The following CNNM1 variants were observed in gnomAD, a reference collection of about 807,000 sequenced individuals.
The protein encoded by CNNM1 is cyclin and CBS domain divalent metal cation transport mediator 1.
A neutral mutation model predicts 78.8 loss-of-function variants in CNNM1; 44 were observed. The observed-to-expected ratio is 0.56, with a 90% CI of 0.44 to 0.72. The LOEUF is 0.72. CNNM1 is among the 30% of genes least tolerant of loss of function. The probability of loss-of-function intolerance (pLI) is 0.00; values close to 1 mark genes in which losing one functional copy is unlikely to be tolerated. For synonymous variants in CNNM1, 584 were observed against 581.5 expected, an observed-to-expected ratio of 1.00 and a Z score of -0.06; for missense variants, 1,101 against 1,292.2, an observed-to-expected ratio of 0.85 and a Z score of 2.27.
intron 6 of CNNM1, among the ~76,000 whole-genome samples, chr10:99,365,870 C>T (rs2031600066): frequency 1.3e-5 from 2 of 152,054 alleles, no homozygotes; most frequent in Admixed American, 1.3e-4. Flanking sequence ...TATCATAGTC[C>T]CTGGAACATG....
At chr10:99,364,917 A>T (rs773652348) in intron 5 of CNNM1, 38 bp from the exon 6 acceptor site, 2 of 1,598,204 alleles carry the variant, frequency 1.3e-6, no homozygotes, top group African/African-American at 2.7e-5. Flanking sequence ...GTGTTTTCTG[A>T]GTTGCCTCTG....
intron 1 of CNNM1, among the ~76,000 whole-genome samples, chr10:99,348,868 A>G (rs1347293715): frequency 6.6e-6 from 1 of 151,594 alleles, no homozygotes; most frequent in Admixed American, 6.6e-5. Context: ...CCTGGGCAAC[A>G]TTGCAAAGCC....
At chr10:99,364,907 G>T (rs748409165) in intron 5 of CNNM1, 48 bp from the exon 6 acceptor site, 2 of 1,576,898 alleles carry the variant, frequency 1.3e-6, no homozygotes, top group African/African-American at 2.7e-5. Flanking sequence ...CATAAGAAGT[G>T]TGTTTTCTGA....
At chr10:99,345,299 T>C (rs1035998276) in intron 1 of CNNM1, among the ~76,000 whole-genome samples, 5 of 152,166 alleles carry the variant, frequency 3.3e-5, no homozygotes, top group Admixed American at 3.3e-4. Flanking sequence ...ACATCAAAAA[T>C]GATATGGAGA....
At chr10:99,386,187 T>C (rs2032296740) in intron 7 of CNNM1, among the ~76,000 whole-genome samples, 1 of 152,212 alleles carries the variant, frequency 6.6e-6, no homozygotes, top group Non-Finnish European at 1.5e-5. Flanking sequence ...ACTTTGCTGC[T>C]TTGTCCTGTA....
chr10:99,389,215 A>G (rs1359549009), intron 9 of CNNM1, among the ~76,000 whole-genome samples: 1 of 152,104 alleles, frequency 6.6e-6, no homozygotes, highest in Non-Finnish European at 1.5e-5. Context: ...TAGGGGTTCG[A>G]GACCAGTCTG....
chr10:99,390,244 C>G (rs562528752), intron 9 of CNNM1, 62 bp from the exon 10 acceptor site: 4 of 1,182,166 alleles, frequency 3.4e-6, no homozygotes, highest in Non-Finnish European at 4.9e-6. Flanking sequence ...TCAGAATCAC[C>G]CTCTCTTGAT....
At chr10:99,386,871 G>GT (rs1364995805) in intron 7 of CNNM1, among the ~76,000 whole-genome samples, 3 of 152,206 alleles carry the variant, frequency 2.0e-5, no homozygotes, top group Non-Finnish European at 2.9e-5. Flanking sequence ...AGAATTTGTG[G>GT]TTTTGTCCGT....
intron 9 of CNNM1, among the ~76,000 whole-genome samples, chr10:99,390,079 C>T (rs1265636739): frequency 6.6e-6 from 1 of 152,146 alleles, no homozygotes; most frequent in Non-Finnish European, 1.5e-5. Flanking sequence ...CGTTGGATTC[C>T]GGCTCCTGTT....
At position 99,345,869 on chromosome 10, in the gene CNNM1, T is replaced by A. The variant is rs190687640; in HGVS notation, c.1574-11643T>A. On this transcript the variant is annotated intron_variant, in intron 1 of 10. Transcript: ENST00000356713. ...TTTTATATTTTTTAATTTAAAAAAATTTTTTTAAGAGATGGGGGTCTTACC... is the reference window on the plus strand; with the variant it reads ...TTTTATATTTTTTAATTTAAAAAAAATTTTTTAAGAGATGGGGGTCTTACC... Among the ~76,000 whole-genome samples, 454 of 152,232 alleles carry A rather than the reference T, an allele frequency of 3.0e-3. 4 individuals carry two copies. Among genetic ancestry groups the A allele is most frequent in the African/African-American group, 9.1e-3 (380 of 41,562 alleles).
chr10:99,364,266 G>T lies in CNNM1; in HGVS notation c.2029-151G>T, dbSNP rs528396025. Reference sequence around the variant, plus strand: ...TAAAGCTGGTGGTGCTTTCTCACATGTAAATCTGGAGAGAATTAACATTCC... The same window carrying T: ...TAAAGCTGGTGGTGCTTTCTCACATTTAAATCTGGAGAGAATTAACATTCC... On this transcript the variant is annotated intron_variant, in intron 4 of 10. Coordinates refer to ENST00000356713, the MANE Select transcript of CNNM1 (RefSeq NM_020348.3). The T allele has an allele frequency of 4.2e-5, 25 of 600,060 alleles. 2 individuals carry two copies. The East Asian group carries it at 5.4e-4, about 13-fold the overall frequency. The allele number at this position is 600,060 out of a possible 1,614,324, so 37.2% of individuals were successfully genotyped here.
At chr10:99,360,775 A>T in intron 2 of CNNM1, 60 bp from the exon 3 acceptor site, 1 of 1,525,464 alleles carries the variant, frequency 6.6e-7, no homozygotes, top group Non-Finnish European at 8.8e-7. Context: ...ATTCTGGGAA[A>T]ACCTCCAAAG....
intron 6 of CNNM1, among the ~76,000 whole-genome samples, chr10:99,370,316 A>C (rs1422563716): frequency 6.6e-6 from 1 of 152,148 alleles, no homozygotes; most frequent in Non-Finnish European, 1.5e-5. Flanking sequence ...CTACCCATAA[A>C]GAGGTAAGCT....
chr10:99,376,945 G>T, intron 6 of CNNM1, 110 bp from the exon 7 acceptor site: 1 of 1,052,878 alleles, frequency 9.5e-7, no homozygotes. Context: ...AGTCTTATGG[G>T]ACCTCAGTAA....
Position 99,377,227 on chromosome 10 carries a change from C to T in CNNM1, c.2340+9C>T. 1 of 1,612,716 alleles carries T rather than the reference C, an allele frequency of 6.2e-7. No individual in the cohort carries two copies. The highest frequency in any genetic ancestry group is 8.5e-7 in the Non-Finnish European group (1 of 1,179,106). On this transcript the variant is annotated intron_variant, in intron 7 of 10. Transcript: ENST00000356713. ...ATGTGCAGTTTGTGAAGGTAACTCCCCCAGGAAGGTTATCCTCTCCCTCCC... is the reference window on the plus strand; with the variant it reads ...ATGTGCAGTTTGTGAAGGTAACTCCTCCAGGAAGGTTATCCTCTCCCTCCC...
chr10:99,355,075 G>A (rs2031086557), intron 1 of CNNM1, among the ~76,000 whole-genome samples: 1 of 152,112 alleles, frequency 6.6e-6, no homozygotes, highest in African/African-American at 2.4e-5. Flanking sequence ...TCAGATATTT[G>A]ATACAGAAGT....
intron 7 of CNNM1, among the ~76,000 whole-genome samples, chr10:99,383,342 G>A (rs2032212918): frequency 2.0e-5 from 3 of 152,002 alleles, no homozygotes; most frequent in East Asian, 1.9e-4. Context: ...TCAACTCAGT[G>A]AACTCACTGC....
Position 99,384,799 on chromosome 10 carries a change from C to T in CNNM1, c.2341-3021C>T, listed in dbSNP as rs142245730. On this transcript the variant is annotated intron_variant, in intron 7 of 10. Coordinates refer to ENST00000356713, the MANE Select transcript of CNNM1 (RefSeq NM_020348.3). ...AACAAAAAGAGGCCGGGTGCAGTGG[C>T]TAACACCTGTAATCCCAGCACTTTG... is the stretch of plus-strand genomic sequence containing the variant. 9.7e-3 allele frequency among the ~76,000 whole-genome samples: 1,474 copies of T among 152,276 alleles called. 24 individuals carry two copies. The highest frequency in any genetic ancestry group is 0.033 in the African/African-American group (1,376 of 41,544).
At position 99,367,422 on chromosome 10, in the gene CNNM1, GTCT is replaced by G. The variant is rs147687295; in HGVS notation, c.2176+2431_2176+2433del. ...AGGTGAAGGGAACATAATCTACACTGTCTTCTTCTTCTTGGTTCTGATTGCCAG... is the reference window on the plus strand; with the variant it reads ...AGGTGAAGGGAACATAATCTACACTGTCTTCTTCTTGGTTCTGATTGCCAG... On this transcript the variant is annotated intron_variant, in intron 6 of 10. Transcript: ENST00000356713. Among the ~76,000 whole-genome samples, 447 of 152,244 alleles carry G rather than the reference GTCT, an allele frequency of 2.9e-3. 3 individuals are homozygous for G. The highest frequency in any genetic ancestry group is 0.01 in the African/African-American group (427 of 41,550).
Sources: gnomAD v4.1 joint callset for allele counts (sites outside exome capture counted in the v4.1 genomes callset) on GRCh38, gnomAD v4.1.1 for gene constraint, MANE v1.5 for transcripts, NCBI Gene and HGNC (gene_info 2026-07-23, HGNC 2026-07-21) for gene names.